Variants in NSMF observed in about 807,000 individuals in gnomAD.
NSMF encodes the protein NMDA receptor synaptonuclear signaling and neuronal migration factor.
A neutral mutation model predicts 71.0 loss-of-function variants in NSMF; 31 were observed. The ratio of observed to expected loss-of-function variants is 0.44; its 90% CI spans 0.33 to 0.59. NSMF has a LOEUF of 0.59. NSMF is among the 20% of genes least tolerant of loss of function. The pLI is 0.04. For synonymous variants in NSMF, 345 were observed against 287.1 expected, an observed-to-expected ratio of 1.20 and a Z score of -2.04; for missense variants, 673 against 740.5, an observed-to-expected ratio of 0.91 and a Z score of 1.06.
chr9:137,456,645 G>A (rs1441336377), intron 3 of NSMF, among the ~76,000 whole-genome samples, 159 bp from the exon 4 acceptor site: 3 of 152,202 alleles, frequency 2.0e-5, no homozygotes, highest in Non-Finnish European at 1.5e-5. Flanking sequence ...GGCACAGAGG[G>A]CAGTGCTCGA....
chr9:137,453,888 G>A lies in NSMF; in HGVS notation c.833-68C>T, dbSNP rs1008919085. ...GCCTCGGGAGTCTCAGACCCCAGGCGAGGGGACCACAGGGGCCCTGGGCAG... is the reference window on the plus strand; with the variant it reads ...GCCTCGGGAGTCTCAGACCCCAGGCAAGGGGACCACAGGGGCCCTGGGCAG... On this transcript the variant is annotated intron_variant, in intron 7 of 15. Transcript: ENST00000371475. The surrounding 1 kb of genome is among the most constrained non-coding windows in gnomAD (Gnocchi z 4.5). 10 of 1,371,184 alleles carry A rather than the reference G, an allele frequency of 7.3e-6. No individual in the cohort carries two copies. The highest frequency in any genetic ancestry group is 1.9e-4 in the Middle Eastern group (1 of 5,228). 84.9% of individuals were successfully genotyped at this position (1,371,184 alleles called of 1,614,324 possible).
chr9:137,454,140 GCT>G (rs1830705095), intron 7 of NSMF, among the ~76,000 whole-genome samples: 3 of 16,408 alleles, frequency 1.8e-4, no homozygotes, highest in African/African-American at 9.1e-4. Flanking sequence ...TGGGGGCGTG[GCT>G]GGGAGGGGAG....
Position 137,449,495 on chromosome 9 carries a change from G to C in NSMF, c.1496-4C>G. The C allele has an allele frequency of 6.2e-7, 1 of 1,612,780 alleles. No homozygotes were observed. Among genetic ancestry groups the C allele is most frequent in the Non-Finnish European group, 8.5e-7 (1 of 1,179,862 alleles). On this transcript the variant is annotated splice_polypyrimidine_tract_variant and splice_region_variant and intron_variant, in intron 15 of 15. Coordinates refer to ENST00000371475, the MANE Select transcript of NSMF (RefSeq NM_001130969.3). ...TACGTCTCGATCATCTGCTTCCCTGGGCGGAGCGGGGGCAGGAGGCTCAGG... is the reference window on the plus strand; with the variant it reads ...TACGTCTCGATCATCTGCTTCCCTGCGCGGAGCGGGGGCAGGAGGCTCAGG...
At position 137,453,215 on chromosome 9, in the gene NSMF, C is replaced by G. The variant is rs374305352; in HGVS notation, c.923-35G>C. ...AAGAGGGTCACCAGGACAGCAGGCC[C>G]GGCAGCACCTCCTATCCTGGCCATG... On this transcript the variant is annotated intron_variant, in intron 8 of 15. Coordinates refer to ENST00000371475, the MANE Select transcript of NSMF (RefSeq NM_001130969.3). This position sits in a 1 kb window ranked among gnomAD's most constrained non-coding sequence, Gnocchi z 4.5. 1.2e-6 allele frequency: 2 copies of G among 1,610,846 alleles called. No individual in the cohort carries two copies. The highest frequency in any genetic ancestry group is 1.7e-6 in the Non-Finnish European group (2 of 1,179,692).
In NSMF at chr9:137,459,109, G is replaced by A. The variant is rs1831042185; in HGVS notation, c.-7C>T. On this transcript the variant is annotated 5_prime_UTR_variant, in exon 1 of 16. Coordinates refer to ENST00000371475, the MANE Select transcript of NSMF (RefSeq NM_001130969.3). The stretch of plus-strand genomic sequence containing the variant: ...TGGAGGCGGCGGCGCCCATGGTCGA[G>A]GCGGCGGCGCATCCCCCGGGCCTCA... 4 of 1,232,966 alleles carry A rather than the reference G, an allele frequency of 3.2e-6. No homozygotes were observed. Among genetic ancestry groups the A allele is most frequent in the South Asian group, 3.2e-5 (1 of 31,472 alleles). The allele number at this position is 1,232,966 out of a possible 1,614,324, so 76.4% of individuals were successfully genotyped here.
chr9:137,449,892 G>C, intron 14 of NSMF, 31 bp downstream of exon 14: 5 of 1,571,816 alleles, frequency 3.2e-6, no homozygotes, highest in Non-Finnish European at 3.5e-6. Flanking sequence ...GGTTTCCAGA[G>C]GTCTGGGGTG....
Position 137,449,145 on chromosome 9 carries a change from G to T in NSMF, c.*249C>A. 3.4e-6 allele frequency: 2 copies of T among 586,878 alleles called. No individual in the cohort carries two copies. The highest frequency in any genetic ancestry group is 6.1e-6 in the Non-Finnish European group (2 of 327,528). The allele number at this position is 586,878 out of a possible 1,614,324, so 36.4% of individuals were successfully genotyped here. On this transcript the variant is annotated 3_prime_UTR_variant, in exon 16 of 16. Transcript: ENST00000371475. ...TCCAGGCGAGGCATGGCAGGTCAGT[G>T]CCTGGCCGCTGAGCATCCACGGGCC...
Position 137,459,220 on chromosome 9 carries a change from G to GGGCTCC in NSMF, c.-124_-119dup, listed in dbSNP as rs1354822617. 1.3e-6 allele frequency: 1 copy of GGGCTCC among 742,488 alleles called. No homozygotes were observed. The highest frequency in any genetic ancestry group is 1.9e-5 in the African/African-American group (1 of 52,662). The allele number at this position is 742,488 out of a possible 1,614,324, so 46.0% of individuals were successfully genotyped here. ...CGGGCTCGGGCTCGGGGTCTCGCTC[G>GGGCTCC]GGCTCCGGCTCGGGCTTGGGCTCGG... On this transcript the variant is annotated 5_prime_UTR_variant, in exon 1 of 16. Coordinates refer to ENST00000371475, the MANE Select transcript of NSMF (RefSeq NM_001130969.3).
rs9410194 is a variant in NSMF at position 137,453,949 on chromosome 9, T to G, written c.833-129A>C. 5.7e-5 allele frequency: 42 copies of G among 735,810 alleles called. No homozygotes were observed. Among genetic ancestry groups the G allele is most frequent in the South Asian group, 2.1e-4 (13 of 61,826 alleles). 45.6% of individuals were successfully genotyped at this position (735,810 alleles called of 1,614,324 possible). ...TAATGTGGGTGGGGTCTAAGGCACA[T>G]GAAGCAGACACGGACCAGAGGCTCG... On this transcript the variant is annotated intron_variant, in intron 7 of 15. Transcript: ENST00000371475. The surrounding 1 kb of genome is among the most constrained non-coding windows in gnomAD (Gnocchi z 4.5).
Position 137,449,101 on chromosome 9 carries a change from G to A in NSMF, c.*293C>T, listed in dbSNP as rs892704284. 3.6e-6 allele frequency: 2 copies of A among 557,872 alleles called. No homozygotes were observed. Among genetic ancestry groups the A allele is most frequent in the African/African-American group, 1.9e-5 (1 of 52,972 alleles). 34.6% of individuals were successfully genotyped at this position (557,872 alleles called of 1,614,324 possible). A position where few individuals can be genotyped will look rare whatever the true frequency, so the allele number is the denominator to read the frequency against. On this transcript the variant is annotated 3_prime_UTR_variant, in exon 16 of 16. Transcript: ENST00000371475. ...ACTTATTTCTATGAACCCCATGGAG[G>A]GATGCCCACAGCTGAGCCTCCAGGC...
At chr9:137,455,996 A>G (rs1325164799) in intron 4 of NSMF, among the ~76,000 whole-genome samples, 1 of 152,262 alleles carries the variant, frequency 6.6e-6, no homozygotes, top group Non-Finnish European at 1.5e-5. Flanking sequence ...AATGTATGTC[A>G]AGACAGAGAG....
chr9:137,458,596 C>A, intron 1 of NSMF, 47 bp from the exon 2 acceptor site: 1 of 1,536,060 alleles, frequency 6.5e-7, no homozygotes, highest in Non-Finnish European at 8.8e-7. Context: ...CACGACCCTC[C>A]CAAACACCGG....
Position 137,453,245 on chromosome 9 carries a change from C to T in NSMF, c.923-65G>A. 2 of 1,604,020 alleles carry T rather than the reference C, an allele frequency of 1.2e-6. No individual in the cohort carries two copies. Among genetic ancestry groups the T allele is most frequent in the Non-Finnish European group, 1.7e-6 (2 of 1,178,244 alleles). Reference sequence around the variant, plus strand: ...GCACCTCCTATCCTGGCCATGGCCCCAAGGCCCACAGGGCCCGAAAGCCCC... The same window carrying T: ...GCACCTCCTATCCTGGCCATGGCCCTAAGGCCCACAGGGCCCGAAAGCCCC... On this transcript the variant is annotated intron_variant, in intron 8 of 15. Coordinates refer to ENST00000371475, the MANE Select transcript of NSMF (RefSeq NM_001130969.3). The surrounding 1 kb of genome is among the most constrained non-coding windows in gnomAD (Gnocchi z 4.5).
intron 11 of NSMF, 38 bp from the exon 12 acceptor site, chr9:137,452,473 C>G: frequency 6.2e-7 from 1 of 1,611,942 alleles, no homozygotes; most frequent in Non-Finnish European, 8.5e-7. Flanking sequence ...GGCCCCCACC[C>G]CAGCCCCAGG....
At chr9:137,458,603 C>T in intron 1 of NSMF, 54 bp from the exon 2 acceptor site, 1 of 1,512,832 alleles carries the variant, frequency 6.6e-7, no homozygotes, top group Non-Finnish European at 9.0e-7. Context: ...CTCCCAAACA[C>T]CGGGCCGCGC....
intron 6 of NSMF, 34 bp downstream of exon 6, chr9:137,455,205 T>C (rs1362689113): frequency 6.2e-7 from 1 of 1,604,356 alleles, no homozygotes; most frequent in Admixed American, 1.7e-5. Flanking sequence ...AGACCAGAGA[T>C]GGACCCTGGT....
At chr9:137,454,362 C>A (rs199684017) in intron 7 of NSMF, 29 bp downstream of exon 7, 7 of 1,546,838 alleles carry the variant, frequency 4.5e-6, no homozygotes, top group East Asian at 2.4e-5. Context: ...GCAACGCCGC[C>A]CCCCCACCCC....
intron 14 of NSMF, 29 bp downstream of exon 14, chr9:137,449,894 T>A (rs758472958): frequency 1.3e-6 from 2 of 1,577,564 alleles, no homozygotes; most frequent in East Asian, 4.5e-5. Context: ...TTTCCAGAGG[T>A]CTGGGGTGGG....
chr9:137,455,003 C>G lies in NSMF; in HGVS notation c.779+236G>C, dbSNP rs763830852. 113 of 722,830 alleles carry G rather than the reference C, an allele frequency of 1.6e-4. 1 individual carries two copies. Among genetic ancestry groups the G allele is most frequent in the Middle Eastern group, 2.3e-4 (1 of 4,360 alleles). 44.8% of individuals were successfully genotyped at this position (722,830 alleles called of 1,614,324 possible). On this transcript the variant is annotated intron_variant, in intron 6 of 15. Coordinates refer to ENST00000371475, the MANE Select transcript of NSMF (RefSeq NM_001130969.3). ...ATTGGAGTGGGGGAGGGGGGCCTTG[C>G]TGCTGGCCCCAGCCCAGACAGAGAC...
Sources: gnomAD v4.1 joint callset for allele counts (sites outside exome capture counted in the v4.1 genomes callset) on GRCh38, gnomAD v4.1.1 for gene constraint, Gnocchi (gnomAD v3.1) non-coding constraint, MANE v1.5 for transcripts, NCBI Gene and HGNC (gene_info 2026-07-23, HGNC 2026-07-21) for gene names.